Variants in PGR observed in about 807,000 individuals in gnomAD.
PGR encodes nuclear receptor subfamily 3 group C member 3.
Under a neutral mutation model 76.1 loss-of-function variants are expected in PGR, and 25 were observed. The observed-to-expected ratio is 0.33, with a 90% CI of 0.24 to 0.46. The LOEUF is 0.46. Ranked by LOEUF, PGR falls within the 20% of genes least tolerant of loss-of-function variation. PGR has a pLI of 1.00. For missense variants in PGR, 1,172 were observed against 1,225.3 expected (o/e 0.96, Z 0.65); for synonymous variants, 579 against 535.0 (o/e 1.08, Z -1.14).
Position 101,128,445 on chromosome 11 carries a change from G to T in PGR, c.626C>A (p.Pro209Gln). The change falls in exon 1 of 8, where the codon CCA becomes CAA. Residue 209 changes from proline to glutamine, a missense_variant. By Grantham distance (76) the Pro-to-Gln change is moderately conservative. Around this residue, in one of 4 missense-constraint regions of PGR, gnomAD observed 893 missense variants for 785.9 expected, o/e 1.14. Coordinates refer to ENST00000325455, the MANE Select transcript of PGR (RefSeq NM_000926.4). ...AGCGGCCTGCGGAGACGGCTTCACTGGGGCCCCGGACCAGTGAGGGCTCTC... is the reference window on the plus strand; with the variant it reads ...AGCGGCCTGCGGAGACGGCTTCACTTGGGCCCCGGACCAGTGAGGGCTCTC... ...ASESPHWSGA[P>Q]VKPSPQAAAV... is the part of the protein sequence containing the mutation. 6.2e-7 allele frequency: 1 copy of T among 1,610,162 alleles called. No individual in the cohort carries two copies. The highest frequency in any genetic ancestry group is 1.7e-5 in the Admixed American group (1 of 60,014).
At chr11:101,087,143 A>G (rs963511501) in intron 3 of PGR, among the ~76,000 whole-genome samples, 2 of 152,226 alleles carry the variant, frequency 1.3e-5, no homozygotes, top group Non-Finnish European at 2.9e-5. Flanking sequence ...CTAAACAAAA[A>G]GAAAAGTCAG....
At chr11:101,100,754 T>C (rs915831260) in intron 2 of PGR, among the ~76,000 whole-genome samples, 3 of 152,100 alleles carry the variant, frequency 2.0e-5, no homozygotes, top group Admixed American at 6.5e-5. Context: ...TTTCACAATA[T>C]CTGGAGACAA....
intron 2 of PGR, among the ~76,000 whole-genome samples, chr11:101,094,524 C>A (rs753282176): frequency 6.6e-6 from 1 of 152,166 alleles, no homozygotes; most frequent in Non-Finnish European, 1.5e-5. Context: ...CCACTGCACA[C>A]ACTTTGTGGG....
In PGR at chr11:101,091,803, TGC is replaced by T; in HGVS notation, c.1861_1862del (p.Ala621MetfsTer4). The T allele has an allele frequency of 6.2e-7, 1 of 1,610,866 alleles. No homozygotes were observed. Among genetic ancestry groups the T allele is most frequent in the Non-Finnish European group, 8.5e-7 (1 of 1,177,004 alleles). ...CCTGACAGCACTTTCTAAGGCGACATGCTGGGCAGTTTTTTCTGCGGATTTTA... is the reference window on the plus strand; with the variant it reads ...CCTGACAGCACTTTCTAAGGCGACATTGGGCAGTTTTTTCTGCGGATTTTA... ...VDKIRRKNCP[A>X]CRLRKCCQAG... On this transcript the variant is annotated frameshift_variant, in exon 3 of 8. Coordinates refer to ENST00000325455, the MANE Select transcript of PGR (RefSeq NM_000926.4). LOFTEE classifies it high-confidence loss of function.
At chr11:101,116,327 C>A (rs1368476679) in intron 2 of PGR, among the ~76,000 whole-genome samples, 1 of 152,202 alleles carries the variant, frequency 6.6e-6, no homozygotes, top group African/African-American at 2.4e-5. Flanking sequence ...AAAAGTGGCA[C>A]ATATGGTCAC....
intron 3 of PGR, chr11:101,063,577 A>G (rs1202956626): frequency 2.0e-5 from 3 of 152,172 alleles, no homozygotes; most frequent in African/African-American, 7.2e-5. Flanking sequence ...AGAATTAGAG[A>G]AAGTTGTGGT....
At chr11:101,059,938 T>C (rs1056693575) in intron 4 of PGR, among the ~76,000 whole-genome samples, 2 of 150,614 alleles carry the variant, frequency 1.3e-5, no homozygotes, top group African/African-American at 4.9e-5. Flanking sequence ...TTATAACAGA[T>C]CCAAGATAAT....
At chr11:101,058,794 T>G (rs1860382052) in intron 4 of PGR, among the ~76,000 whole-genome samples, 2 of 152,300 alleles carry the variant, frequency 1.3e-5, no homozygotes, top group Non-Finnish European at 2.9e-5. Context: ...TTTAAGACCC[T>G]CCTTGATCAG....
intron 3 of PGR, among the ~76,000 whole-genome samples, chr11:101,085,426 C>A (rs547184671): frequency 2.7e-4 from 37 of 138,218 alleles, no homozygotes; most frequent in Non-Finnish European, 4.6e-4. Flanking sequence ...TGGAATGTAG[C>A]AAAAACAATA....
chr11:101,062,771 A>C lies in PGR; in HGVS notation c.1907-19T>G. ...TTTCGACCTACAGAGAAGAAAAAAA[A>C]GAAATTCATGTAAATATATATAAAC... On this transcript the variant is annotated intron_variant, in intron 3 of 7. Coordinates refer to ENST00000325455, the MANE Select transcript of PGR (RefSeq NM_000926.4). 4.5e-6 allele frequency: 7 copies of C among 1,569,522 alleles called. No individual in the cohort carries two copies. The highest frequency in any genetic ancestry group is 1.7e-4 in the Middle Eastern group (1 of 5,938).
At chr11:101,096,593 A>T (rs2135463564) in intron 2 of PGR, among the ~76,000 whole-genome samples, 1 of 152,298 alleles carries the variant, frequency 6.6e-6, no homozygotes, top group African/African-American at 2.4e-5. Context: ...CTGGCTGTAT[A>T]TGCAGGTGAA....
At chr11:101,057,345 A>G (rs886455887) in intron 4 of PGR, among the ~76,000 whole-genome samples, 1 of 152,192 alleles carries the variant, frequency 6.6e-6, no homozygotes, top group Non-Finnish European at 1.5e-5. Flanking sequence ...CTAGAATTTG[A>G]GCAAACAGCA....
chr11:101,076,919 A>ATTTTTTTTTT lies in PGR; in HGVS notation c.1907-14177_1907-14168dup, dbSNP rs59106149. Among the ~76,000 whole-genome samples the ATTTTTTTTTT allele has an allele frequency of 6.3e-4, 41 of 65,148 alleles. 2 individuals are homozygous for ATTTTTTTTTT. Among genetic ancestry groups the ATTTTTTTTTT allele is most frequent in the Non-Finnish European group, 8.3e-4 (25 of 30,114 alleles). 42.7% of individuals were successfully genotyped at this position (65,148 alleles called of 152,430 possible). A position where few individuals can be genotyped will look rare whatever the true frequency, so the allele number is the denominator to read the frequency against. On this transcript the variant is annotated intron_variant, in intron 3 of 7. Coordinates refer to ENST00000325455, the MANE Select transcript of PGR (RefSeq NM_000926.4). Reference sequence around the variant, plus strand: ...CTATTTTTTTAAAACTACAAATGGAATTTTTTTTTTTTTTTTTTTTTTTTT... The same window carrying ATTTTTTTTTT: ...CTATTTTTTTAAAACTACAAATGGAATTTTTTTTTTTTTTTTTTTTTTTTTTTTTTTTTTT...
At chr11:101,077,803 T>C (rs1217120764) in intron 3 of PGR, among the ~76,000 whole-genome samples, 1 of 152,070 alleles carries the variant, frequency 6.6e-6, no homozygotes, top group Non-Finnish European at 1.5e-5. Flanking sequence ...TGGGGAGCAA[T>C]GTGAGAGGTG....
chr11:101,074,456 A>C lies in PGR; in HGVS notation c.1907-11704T>G, dbSNP rs189104872. ...CTTTCCCACCACTGCTATTAAACAT[A>C]GTAGTGGAAGTTCTGGCCAGGGCAA... On this transcript the variant is annotated intron_variant, in intron 3 of 7. Transcript: ENST00000325455. 3.6e-3 allele frequency among the ~76,000 whole-genome samples: 547 copies of C among 152,318 alleles called. 4 individuals are homozygous for C. The highest frequency in any genetic ancestry group is 0.012 in the African/African-American group (518 of 41,578).
intron 2 of PGR, among the ~76,000 whole-genome samples, chr11:101,116,739 C>CAAAAAA (rs11300466): frequency 7.2e-5 from 5 of 68,970 alleles, no homozygotes; most frequent in Non-Finnish European, 1.1e-4. Flanking sequence ...GATTCCACCT[C>CAAAAAA]AAAAAAAAAA....
At chr11:101,123,551 T>C (rs553841395) in intron 2 of PGR, among the ~76,000 whole-genome samples, 1 of 152,326 alleles carries the variant, frequency 6.6e-6, no homozygotes, top group East Asian at 1.9e-4. Flanking sequence ...ACTCTCTCAA[T>C]TTCCTAATGT....
intron 2 of PGR, among the ~76,000 whole-genome samples, chr11:101,121,460 C>G (rs1290667309): frequency 6.6e-6 from 1 of 152,188 alleles, no homozygotes; most frequent in African/African-American, 2.4e-5. Flanking sequence ...TGCTACCAAA[C>G]CAGTTTTCAT....
In PGR at chr11:101,039,387, T is replaced by C. The variant is rs1401538336; in HGVS notation, c.2647-116A>G. The C allele has an allele frequency of 8.7e-6, 7 of 808,760 alleles. No individual in the cohort carries two copies. The East Asian group carries it at 1.4e-4, about 16-fold the overall frequency. 50.1% of individuals were successfully genotyped at this position (808,760 alleles called of 1,614,324 possible). A position where few individuals can be genotyped will look rare whatever the true frequency, so the allele number is the denominator to read the frequency against. ...TATAATATAAATACTTCTCAAGGTG[T>C]TTTTTTCTTACCATAGTGAAAATAA... On this transcript the variant is annotated intron_variant, in intron 7 of 7. Transcript: ENST00000325455.
Sources: gnomAD v4.1 joint callset for allele counts (sites outside exome capture counted in the v4.1 genomes callset) on GRCh38, gnomAD v4.1.1 for gene constraint, gnomAD v4.1.1 regional missense constraint, MANE v1.5 for transcripts, NCBI Gene and HGNC (gene_info 2026-07-23, HGNC 2026-07-21) for gene names.